The following DPP6 variants were observed in gnomAD, a reference collection of about 807,000 sequenced individuals.
DPP6 encodes A-type potassium channel modulatory protein DPP6.
A neutral mutation model predicts 122.6 loss-of-function variants in DPP6; 69 were observed. The ratio of observed to expected loss-of-function variants is 0.56; its 90% CI spans 0.46 to 0.69. The LOEUF is 0.69. DPP6 is among the 30% of genes least tolerant of loss of function. DPP6 has a pLI of 0.00. For missense variants in DPP6, 928 were observed against 1,116.9 expected (o/e 0.83, Z 2.41); for synonymous variants, 418 against 433.1 (o/e 0.97, Z 0.43).
At chr7:154,112,008 T>C (rs1308676439) in intron 1 of DPP6, among the ~76,000 whole-genome samples, 1 of 152,216 alleles carries the variant, frequency 6.6e-6, no homozygotes, top group Non-Finnish European at 1.5e-5. Context: ...AGAAGCCATA[T>C]TTTCCAATTT....
Position 154,527,960 on chromosome 7 carries a change from A to G in DPP6, c.458-12572A>G, listed in dbSNP as rs187798114. ...TTATCTAATTGTTGAGAGAGTTAGA[A>G]AAAATAATTTGTTATTGTTATATCA... On this transcript the variant is annotated intron_variant, in intron 3 of 25. Transcript: ENST00000377770. Among the ~76,000 whole-genome samples the G allele has an allele frequency of 1.6e-3, 245 of 152,290 alleles. 1 individual carries two copies. Among genetic ancestry groups the G allele is most frequent in the African/African-American group, 5.7e-3 (235 of 41,556 alleles).
chr7:153,912,255 A>G (rs1447787273), intron 1 of DPP6, among the ~76,000 whole-genome samples: 1 of 152,254 alleles, frequency 6.6e-6, no homozygotes, highest in African/African-American at 2.4e-5. Flanking sequence ...GGATGAAATT[A>G]CTGAAACATT....
intron 1 of DPP6, among the ~76,000 whole-genome samples, chr7:154,032,831 T>C (rs1799312841): frequency 6.6e-6 from 1 of 151,480 alleles, no homozygotes; most frequent in East Asian, 1.9e-4. Context: ...TTAAAATGTG[T>C]CCGCACCCCC....
chr7:154,812,739 G>A (rs1248158339), intron 16 of DPP6, among the ~76,000 whole-genome samples: 2 of 152,106 alleles, frequency 1.3e-5, no homozygotes, highest in Admixed American at 1.3e-4. Context: ...TGTAATCATA[G>A]CTGATTGTAG....
chr7:154,576,242 A>G (rs1831662555), intron 5 of DPP6, among the ~76,000 whole-genome samples: 1 of 152,038 alleles, frequency 6.6e-6, no homozygotes, highest in Non-Finnish European at 1.5e-5. Flanking sequence ...ATCAGGGCGC[A>G]TCTCCGTCTG....
At chr7:154,479,402 A>G (rs1487448544) in intron 3 of DPP6, among the ~76,000 whole-genome samples, 13 of 152,100 alleles carry the variant, frequency 8.5e-5, no homozygotes, top group Admixed American at 7.9e-4. Context: ...TACTAAAAAT[A>G]CAAAAATTAG....
At position 154,640,443 on chromosome 7, in the gene DPP6, CTGTCACCA is replaced by C. The variant is rs548082900; in HGVS notation, c.680+2577_680+2584del. Reference sequence around the variant, plus strand: ...GGGGTGCCAAAGTCAGTGTCCCACCCTGTCACCATGTCACTGAACACAGCGCCCCTGAA... The same window carrying C: ...GGGGTGCCAAAGTCAGTGTCCCACCCTGTCACTGAACACAGCGCCCCTGAA... On this transcript the variant is annotated intron_variant, in intron 6 of 25. Coordinates refer to ENST00000377770, the MANE Select transcript of DPP6 (RefSeq NM_130797.4). Among the ~76,000 whole-genome samples the C allele has an allele frequency of 1.6e-4, 24 of 146,552 alleles. No homozygotes were observed. The East Asian group carries it at 4.7e-3, about 29-fold the overall frequency.
intron 1 of DPP6, among the ~76,000 whole-genome samples, chr7:153,945,695 T>TAA (rs555775885): frequency 1.2e-3 from 186 of 152,312 alleles, no homozygotes; most frequent in African/African-American, 4.3e-3. Context: ...TGCCAAATTT[T>TAA]ATGTTTCTCA....
chr7:153,822,091 T>C, the DPP6 span, among the ~76,000 whole-genome samples: 1 of 151,784 alleles, frequency 6.6e-6, no homozygotes, highest in Non-Finnish European at 1.5e-5. Flanking sequence ...TTATATATTC[T>C]ATATCATTTG....
At chr7:153,937,970 A>AAAATATATG (rs1241115761) in intron 1 of DPP6, among the ~76,000 whole-genome samples, 10 of 152,190 alleles carry the variant, frequency 6.6e-5, no homozygotes, top group Non-Finnish European at 2.9e-5. Flanking sequence ...TAGGTTCAAA[A>AAAATATATG]AAATATATGA....
chr7:153,943,934 C>G (rs1258929733), intron 1 of DPP6, among the ~76,000 whole-genome samples: 1 of 152,190 alleles, frequency 6.6e-6, no homozygotes, highest in Non-Finnish European at 1.5e-5. Context: ...GAAACAAAGG[C>G]AGTTCCAGTG....
At chr7:153,797,664 G>T in the DPP6 span, among the ~76,000 whole-genome samples, 1 of 152,070 alleles carries the variant, frequency 6.6e-6, no homozygotes, top group Non-Finnish European at 1.5e-5. Flanking sequence ...CCACAGACTG[G>T]TGGCTTCAAC....
chr7:153,873,094 G>A, the DPP6 span, among the ~76,000 whole-genome samples: 2 of 152,222 alleles, frequency 1.3e-5, no homozygotes, highest in Admixed American at 1.3e-4. Context: ...CATGGTGAAA[G>A]GTGGAGGGAA....
intron 7 of DPP6, among the ~76,000 whole-genome samples, chr7:154,669,947 C>A (rs1838452103): frequency 6.6e-6 from 1 of 152,258 alleles, no homozygotes; most frequent in East Asian, 1.9e-4. Flanking sequence ...GCAACCTCCA[C>A]CTCCTGTGTT....
chr7:154,854,757 C>T (rs889335106), intron 17 of DPP6, among the ~76,000 whole-genome samples: 3 of 152,186 alleles, frequency 2.0e-5, no homozygotes, highest in African/African-American at 7.2e-5. Context: ...ACGGGCACAT[C>T]CGTGTTTACG....
At chr7:154,080,160 G>C (rs1803885949) in intron 1 of DPP6, among the ~76,000 whole-genome samples, 1 of 152,030 alleles carries the variant, frequency 6.6e-6, no homozygotes, top group Non-Finnish European at 1.5e-5. Flanking sequence ...GGGAAGTCAA[G>C]AGGACCCACA....
intron 1 of DPP6, among the ~76,000 whole-genome samples, chr7:154,164,944 T>A (rs1453186127): frequency 6.6e-6 from 1 of 152,268 alleles, no homozygotes; most frequent in Non-Finnish European, 1.5e-5. Flanking sequence ...CAAGTTTTTA[T>A]GTGGATATAA....
intron 1 of DPP6, among the ~76,000 whole-genome samples, chr7:154,269,247 G>A (rs911508069): frequency 6.6e-6 from 1 of 152,130 alleles, no homozygotes; most frequent in African/African-American, 2.4e-5. Context: ...CACACAACTG[G>A]TAAGTGGAAA....
intron 6 of DPP6, among the ~76,000 whole-genome samples, chr7:154,655,874 C>T (rs555414125): frequency 2.6e-5 from 4 of 152,152 alleles, no homozygotes; most frequent in Admixed American, 2.0e-4. Flanking sequence ...TAAATCTTCA[C>T]GCAGACACTG....
Sources: gnomAD v4.1 joint callset for allele counts (sites outside exome capture counted in the v4.1 genomes callset) on GRCh38, gnomAD v4.1.1 for gene constraint, MANE v1.5 for transcripts, NCBI Gene and HGNC (gene_info 2026-07-23, HGNC 2026-07-21) for gene names.